SLC1A3: variants seen among roughly 807,000 people sequenced by gnomAD.
SLC1A3 encodes the protein excitatory amino acid transporter 1.
In SLC1A3, 21 loss-of-function variants were observed where a neutral mutation model predicts 48.1. The ratio of observed to expected loss-of-function variants is 0.44; its 90% CI spans 0.31 to 0.63. SLC1A3 has a LOEUF of 0.63. Ranked by LOEUF, SLC1A3 falls within the 20% of genes least tolerant of loss-of-function variation. The pLI, the probability that SLC1A3 is intolerant of heterozygous loss-of-function variation, is 0.08. For missense variants in SLC1A3, 546 were observed against 689.0 expected (o/e 0.79, Z 2.32); for synonymous variants, 239 against 251.4 (o/e 0.95, Z 0.47).
Position 36,642,346 on chromosome 5 carries a change from G to C in SLC1A3, c.319+12759G>C, listed in dbSNP as rs183527921. ...ATGTGAAGGATGCATTTCTAGCAATGTGTATCAGACTTTCAAGTACTCAAA... is the reference window on the plus strand; with the variant it reads ...ATGTGAAGGATGCATTTCTAGCAATCTGTATCAGACTTTCAAGTACTCAAA... On this transcript the variant is annotated intron_variant, in intron 3 of 9. Coordinates refer to ENST00000265113, the MANE Select transcript of SLC1A3 (RefSeq NM_004172.5). Among the ~76,000 whole-genome samples the C allele has an allele frequency of 9.2e-5, 14 of 152,306 alleles. No homozygotes were observed. The East Asian group carries it at 2.5e-3, about 27-fold the overall frequency.
At chr5:36,623,455 G>C (rs935440156) in intron 2 of SLC1A3, among the ~76,000 whole-genome samples, 1 of 152,050 alleles carries the variant, frequency 6.6e-6, no homozygotes, top group Admixed American at 6.6e-5. Flanking sequence ...GGATCTGGTG[G>C]CCATAAAGCT....
intron 9 of SLC1A3, 97 bp downstream of exon 9, chr5:36,684,095 CTG>C: frequency 6.8e-7 from 1 of 1,469,320 alleles, no homozygotes; most frequent in Non-Finnish European, 9.5e-7. Context: ...AGAAAGAACT[CTG>C]AGGAGAGGGG....
At chr5:36,615,995 A>G (rs1739415413) in intron 2 of SLC1A3, among the ~76,000 whole-genome samples, 1 of 152,190 alleles carries the variant, frequency 6.6e-6, no homozygotes, top group Non-Finnish European at 1.5e-5. Flanking sequence ...CAGGAGTTCA[A>G]GACCAGCCTG....
upstream of SLC1A3, among the ~76,000 whole-genome samples, chr5:36,604,208 T>C (rs1738840407): frequency 6.6e-6 from 1 of 152,202 alleles, no homozygotes; most frequent in Non-Finnish European, 1.5e-5. Flanking sequence ...TTTTTTTCAT[T>C]TGATAATACT....
chr5:36,609,265 A>G (rs1739097942), intron 2 of SLC1A3: 8 of 933,058 alleles, frequency 8.6e-6, no homozygotes, highest in Non-Finnish European at 1.0e-5. Flanking sequence ...TACTAATAAA[A>G]TATTATTGTT....
chr5:36,637,368 T>C (rs1740436294), intron 3 of SLC1A3, among the ~76,000 whole-genome samples: 1 of 152,180 alleles, frequency 6.6e-6, no homozygotes, highest in Admixed American at 6.5e-5. Context: ...AAAAGATCAG[T>C]AATAAAAGGC....
chr5:36,614,597 C>A (rs1261053054), intron 2 of SLC1A3, among the ~76,000 whole-genome samples: 2 of 152,142 alleles, frequency 1.3e-5, no homozygotes, highest in African/African-American at 2.4e-5. Context: ...GAGGGGGCGC[C>A]TGACAGTAGA....
intron 2 of SLC1A3, chr5:36,609,070 G>C (rs890431260): frequency 2.3e-5 from 23 of 989,292 alleles, no homozygotes; most frequent in Non-Finnish European, 2.5e-5. Flanking sequence ...TCAACGCTTA[G>C]GCACAGAGAC....
At chr5:36,601,698 G>T (rs889254912), upstream of SLC1A3, among the ~76,000 whole-genome samples, 2 of 152,136 alleles carry the variant, frequency 1.3e-5, no homozygotes, top group African/African-American at 4.8e-5. Flanking sequence ...GGGACACTGA[G>T]GTAGGCTCTG....
chr5:36,634,456 A>G (rs1645651), intron 3 of SLC1A3, among the ~76,000 whole-genome samples: 106,317 of 151,858 alleles, frequency 0.7, 37,393 homozygotes, highest in Middle Eastern at 0.77. Flanking sequence ...TTAAGGTAGG[A>G]TTTCCACACC....
chr5:36,663,560 G>A (rs1393931436), intron 3 of SLC1A3, among the ~76,000 whole-genome samples: 1 of 151,946 alleles, frequency 6.6e-6, no homozygotes, highest in Non-Finnish European at 1.5e-5. Context: ...GTTTTCTTAA[G>A]GAACACTAGA....
At chr5:36,611,904 G>A (rs1739214895) in intron 2 of SLC1A3, among the ~76,000 whole-genome samples, 1 of 152,178 alleles carries the variant, frequency 6.6e-6, no homozygotes, top group Non-Finnish European at 1.5e-5. Context: ...CAATAAAAAT[G>A]AAATCTCAGG....
chr5:36,636,479 C>CT (rs1387902333), intron 3 of SLC1A3: 6 of 131,172 alleles, frequency 4.6e-5, no homozygotes, highest in East Asian at 2.0e-4. Flanking sequence ...TTCTTTCTTT[C>CT]TTTCTTTCTT....
At position 36,658,634 on chromosome 5, in the gene SLC1A3, G is replaced by C. The variant is rs138736825; in HGVS notation, c.320-12395G>C. Among the ~76,000 whole-genome samples the C allele has an allele frequency of 3.3e-3, 508 of 152,190 alleles. 8 individuals are homozygous for C. The highest frequency in any genetic ancestry group is 0.028 in the Admixed American group (421 of 15,272). On this transcript the variant is annotated intron_variant, in intron 3 of 9. Coordinates refer to ENST00000265113, the MANE Select transcript of SLC1A3 (RefSeq NM_004172.5). Reference sequence around the variant, plus strand: ...TTTTTTGTTTGTTTGTTTAATCAAAGCTGCCCATGGTGAAGACTTACCTTA... The same window carrying C: ...TTTTTTGTTTGTTTGTTTAATCAAACCTGCCCATGGTGAAGACTTACCTTA...
intron 3 of SLC1A3, chr5:36,629,823 C>T (rs1579970071): frequency 2.5e-5 from 13 of 513,098 alleles, no homozygotes; most frequent in Non-Finnish European, 3.5e-5. Context: ...TAATCTGGTT[C>T]GCCTCACAGT....
At chr5:36,597,338 C>T (rs1200199510) in intron 1 of SLC1A3, among the ~76,000 whole-genome samples, 1 of 146,096 alleles carries the variant, frequency 6.8e-6, no homozygotes, top group Non-Finnish European at 1.5e-5. Flanking sequence ...GCTCCGCCTC[C>T]CGGGTTCACG....
At position 36,679,864 on chromosome 5, in the gene SLC1A3, T is replaced by C. The variant is rs2111968513; in HGVS notation, c.1094+4T>C. On this transcript the variant is annotated splice_donor_region_variant and intron_variant, in intron 7 of 9. Transcript: ENST00000265113. ...CCGCTCTGGGGACCTCTTCAAGGTA[T>C]GTATGTATGTGTGGAAAATGAGTCT... 1 of 1,591,280 alleles carries C rather than the reference T, an allele frequency of 6.3e-7. No individual in the cohort carries two copies. Among genetic ancestry groups the C allele is most frequent in the Non-Finnish European group, 8.6e-7 (1 of 1,159,350 alleles).
intron 2 of SLC1A3, among the ~76,000 whole-genome samples, chr5:36,626,686 G>A (rs1739917730): frequency 6.6e-6 from 1 of 152,128 alleles, no homozygotes; most frequent in Admixed American, 6.5e-5. Flanking sequence ...AAAGCAAAAT[G>A]TTTGTTTATT....
intron 2 of SLC1A3, chr5:36,612,596 GA>G (rs372263439): frequency 0.025 from 3,784 of 152,744 alleles, 75 homozygotes; most frequent in Non-Finnish European, 0.034. Flanking sequence ...CTCCAAATAA[GA>G]AAAAAAAAAT....
Sources: gnomAD v4.1 joint callset for allele counts (sites outside exome capture counted in the v4.1 genomes callset) on GRCh38, gnomAD v4.1.1 for gene constraint, MANE v1.5 for transcripts, NCBI Gene and HGNC (gene_info 2026-07-23, HGNC 2026-07-21) for gene names.